The following GHRHR variants were observed in gnomAD, a reference collection of about 807,000 sequenced individuals.
GHRHR encodes the protein growth hormone releasing hormone receptor, also known as growth hormone-releasing hormone receptor.
Under a neutral mutation model 58.3 loss-of-function variants are expected in GHRHR, and 40 were observed. The observed-to-expected ratio is 0.69, with a 90% CI of 0.53 to 0.89. GHRHR has a LOEUF of 0.89. Ranked by LOEUF, GHRHR falls within the 40% of genes least tolerant of loss-of-function variation. The pLI, the probability that GHRHR is intolerant of heterozygous loss-of-function variation, is 0.00. For missense variants in GHRHR, 551 were observed against 541.3 expected, an observed-to-expected ratio of 1.02 and a Z score of -0.18; for synonymous variants, 249 against 216.6, an observed-to-expected ratio of 1.15 and a Z score of -1.31.
chr7:30,973,746 T>C (rs1415055033), intron 6 of GHRHR, among the ~76,000 whole-genome samples: 2 of 152,118 alleles, frequency 1.3e-5, no homozygotes, highest in African/African-American at 4.8e-5. Context: ...AGCTAAGGTG[T>C]GAGGAGATTT....
intron 1 of GHRHR, among the ~76,000 whole-genome samples, chr7:30,964,722 C>T (rs1792306172): frequency 1.3e-5 from 2 of 152,208 alleles, no homozygotes; most frequent in Non-Finnish European, 2.9e-5. Flanking sequence ...TCTCACGATG[C>T]TGAGGGCTGG....
In GHRHR at chr7:30,971,128, T is replaced by C. The variant is rs1211632658; in HGVS notation, c.376T>C (p.Phe126Leu). The C allele has an allele frequency of 3.4e-6, 5 of 1,449,656 alleles. No homozygotes were observed. The East Asian group carries it at 1.2e-4, about 36-fold the overall frequency. 89.8% of individuals were successfully genotyped at this position (1,449,656 alleles called of 1,614,324 possible). Residue 126 changes from phenylalanine to leucine, a missense_variant, in exon 5 of 13, where the codon TTC becomes CTC. Phe to Leu is a conservative substitution (Grantham distance 22, BLOSUM62 0). Transcript: ENST00000326139. ...TCTCTGCCCTTCCCAGGAATCTTAC[T>C]TCTCCACAGTGAAGATTATCTACAC... ...LELLAEEESY[F>L]STVKIIYTVG...
intron 4 of GHRHR, 28 bp from the exon 5 acceptor site, chr7:30,971,091 G>T: frequency 1.0e-6 from 1 of 999,962 alleles, no homozygotes; most frequent in Non-Finnish European, 1.6e-6. Context: ...CAGAAGCTGA[G>T]ACTTTCTTCT....
Position 30,976,547 on chromosome 7 carries a change from G to T in GHRHR, c.1093G>T (p.Gly365Cys). 6.2e-7 allele frequency: 1 copy of T among 1,613,370 alleles called. No individual in the cohort carries two copies. The highest frequency in any genetic ancestry group is 8.5e-7 in the Non-Finnish European group (1 of 1,179,678). ...GIRLPLELGL[G>C]SFQGFIVAIL... ...CCGCCTCCCCCTGGAGCTGGGACTG[G>T]GTTCCTTCCAGGTGAGGGCCCCCAC... The change falls in exon 11 of 13, where the codon GGT becomes TGT. Residue 365 changes from glycine (G) to cysteine (C), a missense_variant. Physicochemically the swap from Gly to Cys is radical, Grantham distance 159. Coordinates refer to ENST00000326139, the MANE Select transcript of GHRHR (RefSeq NM_000823.4).
chr7:30,968,764 G>C lies in GHRHR; in HGVS notation c.58-70G>C, dbSNP rs1029202740. The C allele has an allele frequency of 7.4e-5, 74 of 998,688 alleles. 1 individual carries two copies. The Admixed American group carries it at 1.3e-3, about 17-fold the overall frequency. 61.9% of individuals were successfully genotyped at this position (998,688 alleles called of 1,614,324 possible). A position where few individuals can be genotyped will look rare whatever the true frequency, so the allele number is the denominator to read the frequency against. The stretch of plus-strand genomic sequence containing the variant: ...AATCAGGCCTTGTCCCTGTTCTCAG[G>C]TCATGTGGACCACAGAGCCCAGAAA... On this transcript the variant is annotated intron_variant, in intron 1 of 12. Transcript: ENST00000326139.
chr7:30,964,058 C>T lies in GHRHR; in HGVS notation c.-11C>T. The T allele has an allele frequency of 1.3e-6, 2 of 1,550,374 alleles. No individual in the cohort carries two copies. The highest frequency in any genetic ancestry group is 1.4e-5 in the African/African-American group (1 of 73,188). On this transcript the variant is annotated 5_prime_UTR_variant, in exon 1 of 13. Coordinates refer to ENST00000326139, the MANE Select transcript of GHRHR (RefSeq NM_000823.4). ...CTGAGGCTGGTGGAGGGAGCCACTG[C>T]TGGGCTCACCATGGACCGCCGGATG...
chr7:30,972,154 A>T, intron 6 of GHRHR, 59 bp downstream of exon 6: 1 of 1,587,606 alleles, frequency 6.3e-7, no homozygotes, highest in Non-Finnish European at 8.6e-7. Context: ...AGGATTACAG[A>T]CCCAGATGTG....
At chr7:30,972,144 A>G in intron 6 of GHRHR, 49 bp downstream of exon 6, 3 of 1,603,576 alleles carry the variant, frequency 1.9e-6, no homozygotes, top group Non-Finnish European at 2.6e-6. Context: ...GAGAGGAGGT[A>G]GGATTACAGA....
chr7:30,967,333 C>G (rs1183506048), intron 1 of GHRHR, among the ~76,000 whole-genome samples: 1 of 152,214 alleles, frequency 6.6e-6, no homozygotes, highest in Non-Finnish European at 1.5e-5. Context: ...CCCAATGGAT[C>G]TCTAGCTGGT....
intron 3 of GHRHR, 179 bp from the exon 4 acceptor site, chr7:30,969,688 A>C: frequency 1.4e-6 from 1 of 697,792 alleles, no homozygotes; most frequent in Non-Finnish European, 2.6e-6. Flanking sequence ...GGAAGGCCCC[A>C]TAGTGTGTCC....
At chr7:30,969,014 C>G (rs376235715) in intron 2 of GHRHR, 49 bp from the exon 3 acceptor site, 2 of 1,543,462 alleles carry the variant, frequency 1.3e-6, no homozygotes, top group Non-Finnish European at 1.8e-6. Flanking sequence ...ATTATTGGGA[C>G]AGCCCTGCAC....
chr7:30,976,427 A>T lies in GHRHR; in HGVS notation c.975-2A>T, dbSNP rs1400495178. ...GGAGCCTAGGATTTGTCTTTCCTGC[A>T]GGCGTCTCTCCAAGTCGACACTTTT... On this transcript the variant is annotated splice_acceptor_variant, in intron 10 of 12. Transcript: ENST00000326139. LOFTEE classifies it high-confidence loss of function. 1 of 1,613,104 alleles carries T rather than the reference A, an allele frequency of 6.2e-7. No individual in the cohort carries two copies. The highest frequency in any genetic ancestry group is 1.3e-5 in the African/African-American group (1 of 74,900).
At chr7:30,974,218 C>T in intron 7 of GHRHR, 80 bp downstream of exon 7, 2 of 1,427,098 alleles carry the variant, frequency 1.4e-6, no homozygotes, top group Admixed American at 1.7e-5. Flanking sequence ...AAGGCCCCTC[C>T]ACCTCACTCT....
At chr7:30,971,643 G>A (rs186959174) in intron 5 of GHRHR, among the ~76,000 whole-genome samples, 283 of 151,958 alleles carry the variant, frequency 1.9e-3, no homozygotes, top group African/African-American at 6.4e-3. Flanking sequence ...TTGGTCTCAT[G>A]GGGATGAGTG....
intron 1 of GHRHR, among the ~76,000 whole-genome samples, chr7:30,966,176 C>T (rs1455803027): frequency 1.3e-5 from 2 of 152,180 alleles, no homozygotes; most frequent in Non-Finnish European, 2.9e-5. Flanking sequence ...CAGATTTTCT[C>T]CTATCCCACA....
chr7:30,973,148 T>G (rs1792510168), intron 6 of GHRHR, among the ~76,000 whole-genome samples: 1 of 152,200 alleles, frequency 6.6e-6, no homozygotes, highest in African/African-American at 2.4e-5. Flanking sequence ...AAGAAAATCA[T>G]AGAGAAAATA....
At chr7:30,971,894 C>T (rs954745604) in intron 5 of GHRHR, 69 bp from the exon 6 acceptor site, 1 of 1,438,446 alleles carries the variant, frequency 7.0e-7, no homozygotes, top group African/African-American at 1.4e-5. Flanking sequence ...CTGTTCAGCC[C>T]AGTTGCAGCA....
At chr7:30,974,339 C>A (rs772228471) in intron 7 of GHRHR, 90 bp from the exon 8 acceptor site, 455 of 1,139,574 alleles carry the variant, frequency 4.0e-4, no homozygotes, top group Non-Finnish European at 5.8e-4. Flanking sequence ...CAGTGCCCTA[C>A]GTGGCTGATG....
intron 6 of GHRHR, among the ~76,000 whole-genome samples, chr7:30,972,454 C>A (rs962181443): frequency 1.3e-5 from 2 of 152,142 alleles, no homozygotes; most frequent in Non-Finnish European, 2.9e-5. Flanking sequence ...GGAGCTGGGT[C>A]CCTCCTTCAG....
Sources: gnomAD v4.1 joint callset for allele counts (sites outside exome capture counted in the v4.1 genomes callset) on GRCh38, gnomAD v4.1.1 for gene constraint, MANE v1.5 for transcripts, NCBI Gene and HGNC (gene_info 2026-07-23, HGNC 2026-07-21) for gene names.